Variants in PROKR2 observed in about 807,000 individuals in gnomAD.
PROKR2 encodes prokineticin receptor 2.
In PROKR2, 26 loss-of-function variants were observed where a neutral mutation model predicts 23.4. The observed-to-expected ratio is 1.11, with a 90% confidence interval of 0.81 to 1.54. The LOEUF is 1.54. Ranked by LOEUF, PROKR2 falls within the 40% of genes most tolerant of loss-of-function variation. The probability of loss-of-function intolerance (pLI) is 0.00; values close to 1 mark genes in which losing one functional copy is unlikely to be tolerated. For synonymous variants in PROKR2, 212 were observed against 201.2 expected, an observed-to-expected ratio of 1.05 and a Z score of -0.45; for missense variants, 453 against 511.5, an observed-to-expected ratio of 0.89 and a Z score of 1.10.
chr20:5,300,609 A>G lies in PROKR2; in HGVS notation c.*1431T>C, dbSNP rs1007215975. Among the ~76,000 whole-genome samples the G allele has an allele frequency of 2.6e-5, 4 of 152,242 alleles. No homozygotes were observed. Among genetic ancestry groups the G allele is most frequent in the African/African-American group, 9.6e-5 (4 of 41,462 alleles). On this transcript the variant is annotated 3_prime_UTR_variant, in exon 3 of 3. Coordinates refer to ENST00000678254, the MANE Select transcript of PROKR2 (RefSeq NM_144773.4). ...CAGTCTTGCAAGGTATGAAGAGCGG[A>G]TATTTTCATCATCGCCATTTCATTA...
intron 2 of PROKR2, among the ~76,000 whole-genome samples, chr20:5,309,777 C>A (rs1979363111): frequency 8.0e-6 from 1 of 125,296 alleles, no homozygotes; most frequent in Admixed American, 7.5e-5. Context: ...CTCTCTCAAT[C>A]TGGTTCCACC....
intron 2 of PROKR2, among the ~76,000 whole-genome samples, chr20:5,309,431 A>T (rs1979348642): frequency 6.6e-6 from 1 of 152,076 alleles, no homozygotes; most frequent in African/African-American, 2.4e-5. Flanking sequence ...AGGGCTGATG[A>T]CTTTTTCCCT....
intron 2 of PROKR2, among the ~76,000 whole-genome samples, chr20:5,312,788 G>A (rs559178465): frequency 1.5e-4 from 23 of 152,278 alleles, no homozygotes; most frequent in Admixed American, 3.9e-4. Context: ...CTGCCCCCTC[G>A]AACAGAGCCA....
intron 2 of PROKR2, among the ~76,000 whole-genome samples, chr20:5,303,686 T>C (rs1008538629): frequency 6.6e-6 from 1 of 152,010 alleles, no homozygotes; most frequent in Non-Finnish European, 1.5e-5. Flanking sequence ...CTATGCATCT[T>C]ATGGTTGGGG....
intron 2 of PROKR2, among the ~76,000 whole-genome samples, chr20:5,305,385 G>A (rs904181514): frequency 1.3e-5 from 2 of 152,200 alleles, no homozygotes; most frequent in Non-Finnish European, 2.9e-5. Context: ...TTGCCAGCGG[G>A]GACGATAGGA....
chr20:5,302,262 G>A lies in PROKR2; in HGVS notation c.933C>T (p.Tyr311=). 6.2e-7 allele frequency: 1 copy of A among 1,614,248 alleles called. No individual in the cohort carries two copies. Among genetic ancestry groups the A allele is most frequent in the Non-Finnish European group, 8.5e-7 (1 of 1,180,042 alleles). Residue 311 remains tyrosine (Y), a synonymous_variant, in exon 3 of 3, where the codon TAC becomes TAT. Coordinates refer to ENST00000678254, the MANE Select transcript of PROKR2 (RefSeq NM_144773.4). ...FPTVFVKEKH[Y]LTAFYVVECI... ...ACTCGACCACGTAGAAGGCAGTGAG[G>A]TAGTGCTTTTCCTTCACGAACACAG...
chr20:5,304,569 G>T (rs1393389151), intron 2 of PROKR2, among the ~76,000 whole-genome samples: 1 of 152,162 alleles, frequency 6.6e-6, no homozygotes, highest in East Asian at 1.9e-4. Context: ...AACTTTTGGG[G>T]GTTGGCGACT....
rs1555789373 is a variant in PROKR2 at position 5,300,193 on chromosome 20, T to TAAA, written c.*1846_*1847insTTT. Among the ~76,000 whole-genome samples the TAAA allele has an allele frequency of 2.0e-5, 3 of 151,736 alleles. No individual in the cohort carries two copies. Among genetic ancestry groups the TAAA allele is most frequent in the African/African-American group, 7.3e-5 (3 of 41,260 alleles). Reference sequence around the variant, plus strand: ...CGTGTACCTACAGTTACCACAAATGTATAATACAAACAGATTCAGAAGTGA... The same window carrying TAAA: ...CGTGTACCTACAGTTACCACAAATGTAAAATAATACAAACAGATTCAGAAGTGA... On this transcript the variant is annotated 3_prime_UTR_variant, in exon 3 of 3. Coordinates refer to ENST00000678254, the MANE Select transcript of PROKR2 (RefSeq NM_144773.4).
chr20:5,310,301 T>A (rs1354321453), intron 2 of PROKR2, among the ~76,000 whole-genome samples: 4 of 152,102 alleles, frequency 2.6e-5, no homozygotes, highest in Non-Finnish European at 2.9e-5. Flanking sequence ...AAATAGTACC[T>A]CCTCTGGGCT....
chr20:5,314,402 G>T, intron 1 of PROKR2, 25 bp from the exon 2 acceptor site: 1 of 1,582,636 alleles, frequency 6.3e-7, no homozygotes. Flanking sequence ...GTGTGAGGGA[G>T]GTGCGAGGGG....
At chr20:5,314,801 C>T (rs890821620) in intron 1 of PROKR2, among the ~76,000 whole-genome samples, 1 of 152,240 alleles carries the variant, frequency 6.6e-6, no homozygotes, top group Non-Finnish European at 1.5e-5. Context: ...GCCCCCAACA[C>T]ATCAGCTCCC....
rs1978987812 is a variant in PROKR2, at chr20:5,301,546, T to C, written c.*494A>G. 6.6e-6 allele frequency among the ~76,000 whole-genome samples: 1 copy of C among 152,198 alleles called. No homozygotes were observed. The highest frequency in any genetic ancestry group is 1.5e-5 in the Non-Finnish European group (1 of 68,014). ...ATGCCTGGCCTATAGCCTTTTGATATTCCTGCACTGGTAAGATACAGAATT... is the reference window on the plus strand; with the variant it reads ...ATGCCTGGCCTATAGCCTTTTGATACTCCTGCACTGGTAAGATACAGAATT... On this transcript the variant is annotated 3_prime_UTR_variant, in exon 3 of 3. Coordinates refer to ENST00000678254, the MANE Select transcript of PROKR2 (RefSeq NM_144773.4).
chr20:5,309,471 T>A (rs1179007563), intron 2 of PROKR2, among the ~76,000 whole-genome samples: 15 of 152,228 alleles, frequency 9.9e-5, no homozygotes, highest in African/African-American at 3.6e-4. Context: ...CAATCGAGTT[T>A]CTTGCATTGT....
At chr20:5,302,901 T>C (rs538644933) in intron 2 of PROKR2, among the ~76,000 whole-genome samples, 165 bp from the exon 3 acceptor site, 2 of 152,306 alleles carry the variant, frequency 1.3e-5, no homozygotes, top group South Asian at 4.1e-4. Flanking sequence ...TTTGGCATAG[T>C]GAAGTGTTTT....
At chr20:5,312,672 G>GC (rs1274211068) in intron 2 of PROKR2, among the ~76,000 whole-genome samples, 2 of 152,108 alleles carry the variant, frequency 1.3e-5, no homozygotes, top group African/African-American at 2.4e-5. Context: ...TGAGAACAGG[G>GC]GAAAAATTTA....
intron 2 of PROKR2, among the ~76,000 whole-genome samples, chr20:5,310,511 TGA>T (rs1979397070): frequency 6.6e-6 from 1 of 152,302 alleles, no homozygotes; most frequent in East Asian, 1.9e-4. Context: ...GGGGCAAAGG[TGA>T]GAGTTTGGCC....
At chr20:5,305,210 A>G (rs1257074684) in intron 2 of PROKR2, among the ~76,000 whole-genome samples, 1 of 152,240 alleles carries the variant, frequency 6.6e-6, no homozygotes, top group Non-Finnish European at 1.5e-5. Context: ...CCCGGGCCCC[A>G]TTCTAAACTG....
intron 2 of PROKR2, among the ~76,000 whole-genome samples, chr20:5,309,132 G>A (rs530047581): frequency 6.6e-6 from 1 of 152,346 alleles, no homozygotes; most frequent in South Asian, 2.1e-4. Flanking sequence ...GGGCTGGAGA[G>A]TGGAACAAAT....
At chr20:5,311,513 T>A (rs2122218950) in intron 2 of PROKR2, among the ~76,000 whole-genome samples, 1 of 152,266 alleles carries the variant, frequency 6.6e-6, no homozygotes, top group South Asian at 2.1e-4. Flanking sequence ...AGACAAAGGT[T>A]TCAGTGGGAC....
Sources: allele counts gnomAD v4.1 joint callset (sites outside exome capture counted in the v4.1 genomes callset), GRCh38; gene constraint gnomAD v4.1.1; transcripts MANE v1.5; gene names NCBI Gene and HGNC (gene_info 2026-07-23, HGNC 2026-07-21).